PREX1: variants seen among roughly 807,000 people sequenced by gnomAD.
The protein encoded by PREX1 is phosphatidylinositol 3,4,5-trisphosphate-dependent Rac exchanger 1 protein.
PREX1 carries 41 observed loss-of-function variants against 198.3 expected under a neutral mutation model. The observed-to-expected ratio is 0.21, with a 90% CI of 0.16 to 0.27. The LOEUF (loss-of-function observed/expected upper bound fraction) is 0.27. Ranked by LOEUF, PREX1 falls within the 10% of genes least tolerant of loss-of-function variation. The pLI is 1.00. For missense variants in PREX1, 1,620 were observed against 2,200.7 expected (o/e 0.74, Z 5.28); for synonymous variants, 843 against 887.2 (o/e 0.95, Z 0.89).
In PREX1 at chr20:48,630,825, G is replaced by A. The variant is rs759169751; in HGVS notation, c.4527-31C>T. The A allele has an allele frequency of 4.3e-5, 65 of 1,500,990 alleles. No homozygotes were observed. The Admixed American group carries it at 1.0e-3, about 24-fold the overall frequency. The allele number at this position is 1,500,990 out of a possible 1,614,324, so 93.0% of individuals were successfully genotyped here. A position where few individuals can be genotyped will look rare whatever the true frequency, so the allele number is the denominator to read the frequency against. On this transcript the variant is annotated intron_variant, in intron 35 of 39. Transcript: ENST00000371941. ...AGAGAAAGATGGGAATGAGGCGGGG[G>A]CCACCACACCCACCATCCTCCTGCC...
At chr20:48,754,294 C>T (rs751100573) in intron 1 of PREX1, among the ~76,000 whole-genome samples, 7 of 152,196 alleles carry the variant, frequency 4.6e-5, no homozygotes, top group Non-Finnish European at 5.9e-5. Context: ...TAAGGCCCAG[C>T]GCAGTAAAGA....
chr20:48,642,635 C>A, intron 27 of PREX1, 146 bp from the exon 28 acceptor site: 1 of 691,950 alleles, frequency 1.4e-6, no homozygotes, highest in Non-Finnish European at 2.4e-6. Context: ...GGCTGTGAGC[C>A]ACAGGGCAAA....
the PREX1 span, among the ~76,000 whole-genome samples, chr20:48,841,159 G>T: frequency 6.6e-6 from 1 of 152,076 alleles, no homozygotes; most frequent in Non-Finnish European, 1.5e-5. Flanking sequence ...GGCCTCAAGG[G>T]ATCCTCCACG....
At chr20:48,653,025 C>T (rs1360113502) in intron 20 of PREX1, among the ~76,000 whole-genome samples, 1 of 152,216 alleles carries the variant, frequency 6.6e-6, no homozygotes, top group East Asian at 1.9e-4. Flanking sequence ...CGCCCTCCAC[C>T]AGAACCCTGG....
chr20:48,880,866 C>A, the PREX1 span, among the ~76,000 whole-genome samples: 1 of 151,098 alleles, frequency 6.6e-6, no homozygotes, highest in East Asian at 1.9e-4. Context: ...ACTATAAGGA[C>A]CTTTAAGGTG....
chr20:48,852,462 C>A, the PREX1 span, among the ~76,000 whole-genome samples: 1 of 152,192 alleles, frequency 6.6e-6, no homozygotes, highest in South Asian at 2.1e-4. Flanking sequence ...ATAAATGCAC[C>A]TATCTCTTGA....
At chr20:48,771,054 A>G (rs1180557127) in intron 1 of PREX1, among the ~76,000 whole-genome samples, 1 of 152,058 alleles carries the variant, frequency 6.6e-6, no homozygotes, top group Non-Finnish European at 1.5e-5. Context: ...TAATAAAGTC[A>G]TAGGAAGAAA....
chr20:48,762,744 C>T (rs1035856789), intron 1 of PREX1, among the ~76,000 whole-genome samples: 3 of 151,028 alleles, frequency 2.0e-5, no homozygotes, highest in Non-Finnish European at 4.4e-5. Flanking sequence ...GCTCTGTCAC[C>T]CAGGCTGGAG....
chr20:48,628,389 C>T lies in PREX1; in HGVS notation c.4767-426G>A, dbSNP rs118180173. Reference sequence around the variant, plus strand: ...CAACAGTTCTAGAACGTGGATTCTGCAGCAAGACCTCTAGGATTCCAATCC... The same window carrying T: ...CAACAGTTCTAGAACGTGGATTCTGTAGCAAGACCTCTAGGATTCCAATCC... On this transcript the variant is annotated intron_variant, in intron 37 of 39. Transcript: ENST00000371941. Among the ~76,000 whole-genome samples, 1,194 of 152,298 alleles carry T rather than the reference C, an allele frequency of 7.8e-3. 11 individuals are homozygous for T. The highest frequency in any genetic ancestry group is 0.014 in the Non-Finnish European group (949 of 68,016).
intron 25 of PREX1, among the ~76,000 whole-genome samples, chr20:48,648,457 G>C (rs1470074345): frequency 6.6e-6 from 1 of 152,166 alleles, no homozygotes; most frequent in Admixed American, 6.5e-5. Flanking sequence ...GCCCAGGACA[G>C]CTCCCCAACA....
Position 48,666,890 on chromosome 20 carries a change from A to G in PREX1, c.1666-535T>C, listed in dbSNP as rs1368988218. On this transcript the variant is annotated intron_variant, in intron 14 of 39. Coordinates refer to ENST00000371941, the MANE Select transcript of PREX1 (RefSeq NM_020820.4). The surrounding 1 kb of genome is among the most constrained non-coding windows in gnomAD (Gnocchi z 4.3). ...TTTATTGTACTGTGATCAATACCGC[A>G]AAGAAAAAATGGAGATTTTAAGCGG... 2.0e-5 allele frequency among the ~76,000 whole-genome samples: 3 copies of G among 152,198 alleles called. No individual in the cohort carries two copies. Among genetic ancestry groups the G allele is most frequent in the Non-Finnish European group, 2.9e-5 (2 of 68,044 alleles).
intron 1 of PREX1, among the ~76,000 whole-genome samples, chr20:48,758,128 CAAG>C (rs1290104384): frequency 2.0e-5 from 3 of 151,992 alleles, no homozygotes; most frequent in Non-Finnish European, 4.4e-5. Context: ...GAGGTGGAAC[CAAG>C]AAGGGAAGGC....
intron 1 of PREX1, among the ~76,000 whole-genome samples, chr20:48,772,559 T>C (rs1381414872): frequency 1.3e-5 from 2 of 152,234 alleles, no homozygotes; most frequent in Non-Finnish European, 2.9e-5. Flanking sequence ...CTTTTTCTCT[T>C]TGCGGAACTT....
At position 48,666,254 on chromosome 20, in the gene PREX1, G is replaced by A; in HGVS notation, c.1738+29C>T. 4 of 1,542,376 alleles carry A rather than the reference G, an allele frequency of 2.6e-6. No homozygotes were observed. Among genetic ancestry groups the A allele is most frequent in the Non-Finnish European group, 3.5e-6 (4 of 1,140,902 alleles). ...ATCAGCTCCAGGGAGCAAGGTCCCG[G>A]GGGCTGGGCTGCAGGTGGGGGTGGT... On this transcript the variant is annotated intron_variant, in intron 15 of 39. Transcript: ENST00000371941. The surrounding 1 kb of genome is among the most constrained non-coding windows in gnomAD (Gnocchi z 4.3).
chr20:48,878,199 T>C, the PREX1 span, among the ~76,000 whole-genome samples: 1 of 152,192 alleles, frequency 6.6e-6, no homozygotes, highest in East Asian at 1.9e-4. Flanking sequence ...ACTGACCTCC[T>C]AGTCTCCCCT....
At chr20:48,772,368 T>C (rs1412033423) in intron 1 of PREX1, among the ~76,000 whole-genome samples, 1 of 152,196 alleles carries the variant, frequency 6.6e-6, no homozygotes, top group Non-Finnish European at 1.5e-5. Flanking sequence ...GCGCAGCTCG[T>C]GGCAGCCCTG....
intron 3 of PREX1, 45 bp from the exon 4 acceptor site, chr20:48,734,695 A>AG: frequency 4.5e-6 from 7 of 1,566,422 alleles, no homozygotes; most frequent in Non-Finnish European, 6.2e-6. Flanking sequence ...TCATGGTAGC[A>AG]GGCAGGTGCC....
chr20:48,686,535 T>G (rs572014755), intron 10 of PREX1, among the ~76,000 whole-genome samples: 2 of 152,312 alleles, frequency 1.3e-5, no homozygotes, highest in South Asian at 4.1e-4. Flanking sequence ...ACTGAGCAGT[T>G]TGGCAGGAGA....
intron 34 of PREX1, 23 bp from the exon 35 acceptor site, chr20:48,632,414 C>T (rs536605534): frequency 1.8e-5 from 29 of 1,612,942 alleles, no homozygotes; most frequent in Admixed American, 1.3e-4. Flanking sequence ...ATGTCGGGGG[C>T]GGGCAGGCGG....
Sources: gnomAD v4.1 joint callset for allele counts (sites outside exome capture counted in the v4.1 genomes callset) on GRCh38, gnomAD v4.1.1 for gene constraint, Gnocchi (gnomAD v3.1) non-coding constraint, MANE v1.5 for transcripts, NCBI Gene and HGNC (gene_info 2026-07-23, HGNC 2026-07-21) for gene names.